The following TAFA1 variants were observed in gnomAD, a reference collection of about 807,000 sequenced individuals.
TAFA1 encodes chemokine-like protein TAFA-1.
In TAFA1, 4 loss-of-function variants were observed where a neutral mutation model predicts 18.5. The ratio of observed to expected loss-of-function variants is 0.22; its 90% CI spans 0.11 to 0.49. The LOEUF (loss-of-function observed/expected upper bound fraction) is 0.49. Ranked by LOEUF, TAFA1 falls within the 20% of genes least tolerant of loss-of-function variation. TAFA1 has a pLI of 0.98. For synonymous variants in TAFA1, 56 were observed against 55.2 expected, an observed-to-expected ratio of 1.01 and a Z score of -0.06; for missense variants, 147 against 169.0, an observed-to-expected ratio of 0.87 and a Z score of 0.72.
chr3:68,276,317 A>G (rs2067796425), intron 2 of TAFA1, among the ~76,000 whole-genome samples: 1 of 152,172 alleles, frequency 6.6e-6, no homozygotes, highest in South Asian at 2.1e-4. Context: ...AGCTGTCCTG[A>G]GCATTATTTA....
chr3:68,504,188 G>A (rs1051042415), intron 3 of TAFA1, among the ~76,000 whole-genome samples: 12 of 152,074 alleles, frequency 7.9e-5, no homozygotes, highest in South Asian at 2.1e-4. Flanking sequence ...TTAGTCTGTC[G>A]TAAACATTAT....
Position 68,367,427 on chromosome 3 carries a change from C to T in TAFA1, c.119-49853C>T, listed in dbSNP as rs77965881. 3.2e-3 allele frequency among the ~76,000 whole-genome samples: 483 copies of T among 152,286 alleles called. 2 individuals are homozygous for T. The highest frequency in any genetic ancestry group is 3.5e-3 in the South Asian group (17 of 4,828). ...AAAAGGAAACAAAGGTTAGGTCAAA[C>T]GCACTTTCAAGTTGTTTAGTAACAA... On this transcript the variant is annotated intron_variant, in intron 2 of 4. Transcript: ENST00000478136.
At chr3:68,482,745 C>G (rs2072261570) in intron 3 of TAFA1, among the ~76,000 whole-genome samples, 1 of 152,178 alleles carries the variant, frequency 6.6e-6, no homozygotes, top group Non-Finnish European at 1.5e-5. Flanking sequence ...ACAACACATT[C>G]TTGTAGCCAG....
intron 2 of TAFA1, among the ~76,000 whole-genome samples, chr3:68,133,122 G>A (rs941081696): frequency 2.6e-5 from 4 of 152,116 alleles, no homozygotes; most frequent in African/African-American, 9.7e-5. Flanking sequence ...TATGAAACAG[G>A]GAATCCTTCC....
chr3:68,213,701 A>G (rs532935791), intron 2 of TAFA1, among the ~76,000 whole-genome samples: 2 of 152,214 alleles, frequency 1.3e-5, no homozygotes, highest in Admixed American at 6.5e-5. Context: ...GTATATTACA[A>G]TAAATCACAT....
intron 2 of TAFA1, among the ~76,000 whole-genome samples, chr3:68,300,323 A>C (rs1286766269): frequency 6.6e-6 from 1 of 152,198 alleles, no homozygotes. Flanking sequence ...GCCCAGGTGT[A>C]ATTCAGACTG....
intron 2 of TAFA1, among the ~76,000 whole-genome samples, chr3:68,046,710 A>C (rs2106691950): frequency 6.6e-6 from 1 of 152,278 alleles, no homozygotes; most frequent in South Asian, 2.1e-4. Flanking sequence ...TGAACTTATA[A>C]GTAGATAGAG....
intron 2 of TAFA1, among the ~76,000 whole-genome samples, chr3:68,024,904 T>C (rs1014171142): frequency 1.3e-5 from 2 of 151,882 alleles, no homozygotes; most frequent in African/African-American, 2.4e-5. Flanking sequence ...TTAGCAACCA[T>C]GAAGACTGTG....
At chr3:68,150,430 G>A (rs750291100) in intron 2 of TAFA1, among the ~76,000 whole-genome samples, 12 of 152,098 alleles carry the variant, frequency 7.9e-5, no homozygotes, top group Non-Finnish European at 1.8e-4. Flanking sequence ...CAAAGCCCAG[G>A]GCAGTTTGGA....
chr3:68,032,426 C>T (rs1483943337), intron 2 of TAFA1, among the ~76,000 whole-genome samples: 1 of 152,160 alleles, frequency 6.6e-6, no homozygotes, highest in Non-Finnish European at 1.5e-5. Context: ...CTCATTTCAA[C>T]TCACTCACAT....
intron 2 of TAFA1, among the ~76,000 whole-genome samples, chr3:68,342,134 C>T (rs1184854552): frequency 6.6e-6 from 1 of 152,186 alleles, no homozygotes; most frequent in Non-Finnish European, 1.5e-5. Context: ...GAAATGATCA[C>T]TGACTCTGGC....
chr3:68,483,772 C>T (rs2072281823), intron 3 of TAFA1, among the ~76,000 whole-genome samples: 1 of 152,158 alleles, frequency 6.6e-6, no homozygotes, highest in Non-Finnish European at 1.5e-5. Flanking sequence ...AGAGCTAAGA[C>T]TTTAAGAGGA....
intron 2 of TAFA1, among the ~76,000 whole-genome samples, chr3:68,099,732 A>G (rs143363543): frequency 1.3e-5 from 2 of 152,306 alleles, no homozygotes; most frequent in African/African-American, 4.8e-5. Flanking sequence ...AATAGCAAAG[A>G]CATATAATCA....
In TAFA1 at chr3:68,404,734, T is replaced by G. The variant is rs1246347168; in HGVS notation, c.119-12546T>G. Among the ~76,000 whole-genome samples, 4 of 151,918 alleles carry G rather than the reference T, an allele frequency of 2.6e-5. No homozygotes were observed. The South Asian group carries it at 8.3e-4, about 32-fold the overall frequency. ...GTCGCTTGAACCCAGGAGGCAGAGT[T>G]TGCAGTGAGCTGAGATTGTGCCACT... On this transcript the variant is annotated intron_variant, in intron 2 of 4. Transcript: ENST00000478136.
intron 4 of TAFA1, among the ~76,000 whole-genome samples, chr3:68,542,882 C>T (rs913901316): frequency 5.9e-5 from 9 of 152,152 alleles, no homozygotes; most frequent in East Asian, 5.8e-4. Context: ...TTTATTTTTA[C>T]GACAGAGGAC....
intron 2 of TAFA1, among the ~76,000 whole-genome samples, chr3:68,410,079 T>TA (rs1308210960): frequency 6.6e-6 from 1 of 152,206 alleles, no homozygotes; most frequent in Non-Finnish European, 1.5e-5. Context: ...GGCATTTTTT[T>TA]AACTTCTCCA....
intron 2 of TAFA1, among the ~76,000 whole-genome samples, chr3:68,147,471 C>T (rs184180623): frequency 8.5e-5 from 13 of 152,180 alleles, no homozygotes; most frequent in African/African-American, 1.9e-4. Context: ...CCTCATGCAA[C>T]GTGCCATGCC....
At chr3:67,993,009 A>G in the TAFA1 span, among the ~76,000 whole-genome samples, 2 of 152,196 alleles carry the variant, frequency 1.3e-5, no homozygotes, top group Non-Finnish European at 2.9e-5. Context: ...ATGGTCTGTG[A>G]TTGAGGAATC....
At chr3:68,351,358 T>A (rs2069262345) in intron 2 of TAFA1, among the ~76,000 whole-genome samples, 1 of 152,096 alleles carries the variant, frequency 6.6e-6, no homozygotes, top group Non-Finnish European at 1.5e-5. Context: ...AGACGATTGT[T>A]GGAATCAGAT....
Sources: gnomAD v4.1 joint callset for allele counts (sites outside exome capture counted in the v4.1 genomes callset) on GRCh38, gnomAD v4.1.1 for gene constraint, MANE v1.5 for transcripts, NCBI Gene and HGNC (gene_info 2026-07-23, HGNC 2026-07-21) for gene names.